The following UTRN variants were observed in gnomAD, a reference collection of about 807,000 sequenced individuals.
UTRN encodes utrophin.
UTRN carries 283 observed loss-of-function variants against 463.9 expected under a neutral mutation model. The ratio of observed to expected loss-of-function variants is 0.61; its 90% CI spans 0.55 to 0.67. UTRN has a LOEUF of 0.67. Ranked by LOEUF, UTRN falls within the 30% of genes least tolerant of loss-of-function variation. The probability of loss-of-function intolerance (pLI) is 0.00; values close to 1 mark genes in which losing one functional copy is unlikely to be tolerated. For synonymous variants in UTRN, 1,442 were observed against 1,431.5 expected (o/e 1.01, Z -0.17); for missense variants, 3,922 against 4,084.3 (o/e 0.96, Z 1.08).
chr6:144,756,325 C>T (rs1791982042), intron 57 of UTRN, among the ~76,000 whole-genome samples: 1 of 152,130 alleles, frequency 6.6e-6, no homozygotes. Context: ...CTAGCAATCA[C>T]TCTCATAGTG....
chr6:144,296,737 C>T (rs1217540519), intron 2 of UTRN, among the ~76,000 whole-genome samples: 4 of 152,164 alleles, frequency 2.6e-5, no homozygotes. Context: ...ACACATTTTG[C>T]ACTGTATTAA....
At chr6:144,645,139 T>G (rs1778160880) in intron 51 of UTRN, among the ~76,000 whole-genome samples, 1 of 152,200 alleles carries the variant, frequency 6.6e-6, no homozygotes, top group South Asian at 2.1e-4. Context: ...GGAGAGTTGG[T>G]CCCTCTATTG....
intron 61 of UTRN, among the ~76,000 whole-genome samples, chr6:144,782,820 T>A (rs989807481): frequency 1.3e-5 from 2 of 152,162 alleles, no homozygotes; most frequent in Non-Finnish European, 2.9e-5. Flanking sequence ...TAGAAAGACC[T>A]GCTGTGGGCT....
rs566862564 is a variant in UTRN, at chr6:144,687,446, C to A, written c.7652+8868C>A. Among the ~76,000 whole-genome samples, 5 of 151,360 alleles carry A rather than the reference C, an allele frequency of 3.3e-5. No homozygotes were observed. The South Asian group carries it at 1.0e-3, about 32-fold the overall frequency. Reference sequence around the variant, plus strand: ...AAACAGACTTTAAAGTAAAAACAATCAAAAAAAGACAAAGAAGGTTATTAT... The same window carrying A: ...AAACAGACTTTAAAGTAAAAACAATAAAAAAAAGACAAAGAAGGTTATTAT... On this transcript the variant is annotated intron_variant, in intron 52 of 74. Coordinates refer to ENST00000367545, the MANE Select transcript of UTRN (RefSeq NM_007124.3).
chr6:144,303,851 T>A (rs78057524), intron 2 of UTRN, among the ~76,000 whole-genome samples: 2,984 of 152,312 alleles, frequency 0.02, 107 homozygotes, highest in African/African-American at 0.068. Flanking sequence ...GGAACTTTAA[T>A]TAAAGAGTAG....
intron 63 of UTRN, 51 bp downstream of exon 63, chr6:144,794,042 A>G (rs1776999057): frequency 1.3e-6 from 2 of 1,594,990 alleles, no homozygotes; most frequent in African/African-American, 2.7e-5. Flanking sequence ...AAGGGTTTTG[A>G]GGATGTTCTG....
At chr6:144,644,405 C>G (rs1246918034) in intron 51 of UTRN, among the ~76,000 whole-genome samples, 2 of 152,020 alleles carry the variant, frequency 1.3e-5, no homozygotes, top group African/African-American at 4.8e-5. Flanking sequence ...TGATTTTTAT[C>G]TGACTCATTA....
At chr6:144,486,387 TAAAG>T (rs1185474940) in intron 28 of UTRN, among the ~76,000 whole-genome samples, 2 of 152,158 alleles carry the variant, frequency 1.3e-5, no homozygotes, top group Non-Finnish European at 2.9e-5. Flanking sequence ...ATATGGAAAA[TAAAG>T]AAAAGTATAA....
intron 2 of UTRN, among the ~76,000 whole-genome samples, chr6:144,381,236 A>T (rs908123418): frequency 1.3e-5 from 2 of 152,142 alleles, no homozygotes; most frequent in African/African-American, 2.4e-5. Flanking sequence ...ATGTGTTGTC[A>T]TCATTTAGCT....
At chr6:144,606,841 A>T (rs1265954302) in intron 51 of UTRN, among the ~76,000 whole-genome samples, 1 of 152,162 alleles carries the variant, frequency 6.6e-6, no homozygotes, top group Non-Finnish European at 1.5e-5. Context: ...GTGAAGTGTA[A>T]GTCAATTAGA....
At position 144,349,564 on chromosome 6, in the gene UTRN, A is replaced by C. The variant is rs144348281; in HGVS notation, c.80-53559A>C. Among the ~76,000 whole-genome samples, 273 of 152,356 alleles carry C rather than the reference A, an allele frequency of 1.8e-3. 1 individual carries two copies. Among genetic ancestry groups the C allele is most frequent in the African/African-American group, 6.1e-3 (253 of 41,584 alleles). ...ATAATAAATTCTGTAAAAATTATAAAAACCTAGTCTGTTGATAATGGGCTC... is the reference window on the plus strand; with the variant it reads ...ATAATAAATTCTGTAAAAATTATAACAACCTAGTCTGTTGATAATGGGCTC... On this transcript the variant is annotated intron_variant, in intron 2 of 74. Coordinates refer to ENST00000367545, the MANE Select transcript of UTRN (RefSeq NM_007124.3).
chr6:144,473,462 C>T (rs1187991531), intron 23 of UTRN, among the ~76,000 whole-genome samples: 1 of 152,112 alleles, frequency 6.6e-6, no homozygotes, highest in Non-Finnish European at 1.5e-5. Flanking sequence ...ATAACTATTG[C>T]TTGCATTTAA....
At chr6:144,788,407 C>G (rs1350262138) in intron 61 of UTRN, among the ~76,000 whole-genome samples, 1 of 151,968 alleles carries the variant, frequency 6.6e-6, no homozygotes, top group African/African-American at 2.4e-5. Context: ...GTTGTAAGCT[C>G]TTAGTATATA....
Position 144,531,050 on chromosome 6 carries a change from AGTT to A in UTRN, c.5909_5911del (p.Cys1970del). ...TATTTTATTTTGTGTATTGTCCTCT[AGTT>A]GTTTTGACAGGGCAATGGAAGAATG... On this transcript the variant is annotated splice_acceptor_variant and coding_sequence_variant, in exon 42 of 75. Transcript: ENST00000367545. LOFTEE classifies it high-confidence loss of function. The A allele has an allele frequency of 8.1e-6, 13 of 1,613,446 alleles. No homozygotes were observed. Among genetic ancestry groups the A allele is most frequent in the South Asian group, 1.1e-5 (1 of 90,978 alleles).
At chr6:144,634,396 T>G (rs1776876540) in intron 51 of UTRN, among the ~76,000 whole-genome samples, 1 of 152,204 alleles carries the variant, frequency 6.6e-6, no homozygotes. Context: ...GGGTGACAAC[T>G]AGGAGACTTT....
At chr6:144,332,218 T>G (rs1776385010) in intron 2 of UTRN, among the ~76,000 whole-genome samples, 2 of 152,232 alleles carry the variant, frequency 1.3e-5, no homozygotes, top group African/African-American at 4.8e-5. Flanking sequence ...TTTTGTTCAC[T>G]TGTTTGTTTA....
At chr6:144,688,663 G>A (rs1310427601) in intron 52 of UTRN, among the ~76,000 whole-genome samples, 1 of 151,288 alleles carries the variant, frequency 6.6e-6, no homozygotes, top group Non-Finnish European at 1.5e-5. Flanking sequence ...CTTGGTTATA[G>A]AGTCTGTATG....
At position 144,602,387 on chromosome 6, in the gene UTRN, C is replaced by G. The variant is rs544944236; in HGVS notation, c.7479+25099C>G. Among the ~76,000 whole-genome samples, 45 of 152,112 alleles carry G rather than the reference C, an allele frequency of 3.0e-4. No individual in the cohort carries two copies. The South Asian group carries it at 5.0e-3, about 17-fold the overall frequency. On this transcript the variant is annotated intron_variant, in intron 51 of 74. Coordinates refer to ENST00000367545, the MANE Select transcript of UTRN (RefSeq NM_007124.3). ...CTCCTGACATCATGTGATCCACCCG[C>G]CTTGGCCTCCTAAAGTGCTGGAATT...
At chr6:144,562,165 C>T (rs553391292) in intron 50 of UTRN, among the ~76,000 whole-genome samples, 18 of 152,038 alleles carry the variant, frequency 1.2e-4, no homozygotes, top group African/African-American at 3.1e-4. Context: ...AGAAAAGATA[C>T]GGAATTTAAA....
Sources: allele counts gnomAD v4.1 joint callset (sites outside exome capture counted in the v4.1 genomes callset), GRCh38; gene constraint gnomAD v4.1.1; transcripts MANE v1.5; gene names NCBI Gene and HGNC (gene_info 2026-07-23, HGNC 2026-07-21).